Variants in MACROD2 observed in about 807,000 individuals in gnomAD.
MACROD2 encodes the protein ADP-ribose glycohydrolase MACROD2.
In MACROD2, 36 loss-of-function variants were observed where a neutral mutation model predicts 70.4. The observed-to-expected ratio is 0.51, with a 90% CI of 0.39 to 0.68. The LOEUF (loss-of-function observed/expected upper bound fraction) is 0.68. Among genes scored for constraint, MACROD2 ranks in the 30% least tolerant of loss-of-function variants. MACROD2 has a pLI of 0.00. For synonymous variants in MACROD2, 172 were observed against 178.8 expected (o/e 0.96, Z 0.30); for missense variants, 496 against 538.4 (o/e 0.92, Z 0.78).
chr20:15,365,474 G>A (rs925510478), intron 6 of MACROD2, among the ~76,000 whole-genome samples: 3 of 151,878 alleles, frequency 2.0e-5, no homozygotes, highest in Non-Finnish European at 4.4e-5. Context: ...GATCATCCTG[G>A]CTAACAGGAT....
intron 8 of MACROD2, among the ~76,000 whole-genome samples, chr20:15,696,167 T>C (rs1440438762): frequency 1.3e-5 from 2 of 152,162 alleles, no homozygotes; most frequent in Non-Finnish European, 2.9e-5. Flanking sequence ...CAGTATTACA[T>C]TGGTTGTGGG....
intron 3 of MACROD2, chr20:14,327,395 C>T (rs1345924201): frequency 5.6e-6 from 9 of 1,613,514 alleles, no homozygotes; most frequent in South Asian, 1.1e-5. Context: ...AAACCCGCAT[C>T]GCAGCGACAC....
intron 12 of MACROD2, among the ~76,000 whole-genome samples, chr20:15,958,123 C>T (rs1406996129): frequency 6.6e-6 from 1 of 152,210 alleles, no homozygotes; most frequent in East Asian, 1.9e-4. Flanking sequence ...GAAATACTCT[C>T]ATTACTTTTT....
intron 8 of MACROD2, among the ~76,000 whole-genome samples, chr20:15,723,527 G>A (rs1485499840): frequency 6.6e-6 from 1 of 152,104 alleles, no homozygotes; most frequent in Non-Finnish European, 1.5e-5. Context: ...TCATATAGTT[G>A]GAATCATACA....
At chr20:14,911,263 T>G (rs773393293) in intron 5 of MACROD2, among the ~76,000 whole-genome samples, 7 of 152,208 alleles carry the variant, frequency 4.6e-5, no homozygotes, top group Non-Finnish European at 1.0e-4. Flanking sequence ...GGTTAAAAAC[T>G]AGCCCCAGAT....
chr20:15,818,770 T>C (rs945450538), intron 8 of MACROD2, among the ~76,000 whole-genome samples: 1 of 152,198 alleles, frequency 6.6e-6, no homozygotes, highest in African/African-American at 2.4e-5. Flanking sequence ...GATATGCTCC[T>C]GGAGCCAGTG....
intron 6 of MACROD2, among the ~76,000 whole-genome samples, chr20:15,262,877 C>T (rs2077261102): frequency 6.6e-6 from 1 of 151,604 alleles, no homozygotes; most frequent in African/African-American, 2.4e-5. Flanking sequence ...ACCTTTTGGC[C>T]AGATTATTAG....
At chr20:14,388,904 G>T (rs2083495840) in intron 3 of MACROD2, among the ~76,000 whole-genome samples, 1 of 152,072 alleles carries the variant, frequency 6.6e-6, no homozygotes, top group Non-Finnish European at 1.5e-5. Context: ...TTGAGATAGA[G>T]TCTCATTCTA....
chr20:14,841,475 G>A (rs536802693), intron 5 of MACROD2, among the ~76,000 whole-genome samples: 1 of 151,930 alleles, frequency 6.6e-6, no homozygotes, highest in African/African-American at 2.4e-5. Context: ...CAAAACCTTA[G>A]CTTACAGTGT....
chr20:14,254,178 T>G (rs2082035003), intron 3 of MACROD2, among the ~76,000 whole-genome samples: 2 of 152,116 alleles, frequency 1.3e-5, no homozygotes, highest in South Asian at 4.1e-4. Context: ...TATTCAGGCC[T>G]GAATTTTGTG....
chr20:14,567,815 A>G (rs1298602313), intron 4 of MACROD2, among the ~76,000 whole-genome samples: 2 of 152,226 alleles, frequency 1.3e-5, no homozygotes, highest in Middle Eastern at 6.8e-3. Flanking sequence ...TATAACAAAT[A>G]TAAACAAGTT....
chr20:14,290,313 G>T (rs1050874363), intron 3 of MACROD2, among the ~76,000 whole-genome samples: 1 of 152,096 alleles, frequency 6.6e-6, no homozygotes, highest in African/African-American at 2.4e-5. Flanking sequence ...GTATAAAAAA[G>T]AAGTTTCTTA....
chr20:15,596,700 G>A (rs2048750533), intron 8 of MACROD2, among the ~76,000 whole-genome samples: 2 of 152,128 alleles, frequency 1.3e-5, no homozygotes, highest in Non-Finnish European at 2.9e-5. Context: ...TTCATTATAT[G>A]TGCATTCTAC....
chr20:16,012,789 G>A, intron 15 of MACROD2, among the ~76,000 whole-genome samples: 1 of 152,180 alleles, frequency 6.6e-6, no homozygotes, highest in East Asian at 1.9e-4. Context: ...GTGACAGAAG[G>A]CAGGAAGTGT....
At chr20:15,107,356 T>G (rs1261821769) in intron 5 of MACROD2, among the ~76,000 whole-genome samples, 1 of 151,966 alleles carries the variant, frequency 6.6e-6, no homozygotes, top group Non-Finnish European at 1.5e-5. Context: ...ACATAACCAA[T>G]TAATAGTTGA....
chr20:15,250,655 C>T (rs965902393), intron 6 of MACROD2, among the ~76,000 whole-genome samples: 1 of 152,182 alleles, frequency 6.6e-6, no homozygotes, highest in East Asian at 1.9e-4. Flanking sequence ...TTTGCATATG[C>T]CATCCTCTGT....
At chr20:16,019,703 G>A (rs2066976443) in intron 15 of MACROD2, among the ~76,000 whole-genome samples, 1 of 152,214 alleles carries the variant, frequency 6.6e-6, no homozygotes, top group African/African-American at 2.4e-5. Context: ...TAGAAATGCA[G>A]ATTCTTAGGC....
chr20:14,879,827 A>C lies in MACROD2; in HGVS notation c.418+194868A>C, dbSNP rs139377827. On this transcript the variant is annotated intron_variant, in intron 5 of 17. Transcript: ENST00000684519. The stretch of plus-strand genomic sequence containing the variant: ...TTCATGAAAACTGATGATTAAAAAC[A>C]AACTACGAAAATAATTTTAAATACA... Among the ~76,000 whole-genome samples, 231 of 152,302 alleles carry C rather than the reference A, an allele frequency of 1.5e-3. 2 individuals carry two copies. Among genetic ancestry groups the C allele is most frequent in the African/African-American group, 5.3e-3 (221 of 41,566 alleles).
intron 10 of MACROD2, among the ~76,000 whole-genome samples, chr20:15,895,196 TC>T (rs973686350): frequency 1.3e-5 from 2 of 152,226 alleles, no homozygotes; most frequent in African/African-American, 4.8e-5. Flanking sequence ...TTCATTTACT[TC>T]CTAAATCAGT....
Sources: allele counts gnomAD v4.1 joint callset (sites outside exome capture counted in the v4.1 genomes callset), GRCh38; gene constraint gnomAD v4.1.1; transcripts MANE v1.5; gene names NCBI Gene and HGNC (gene_info 2026-07-23, HGNC 2026-07-21).